Variants in CFDP1 observed in about 807,000 individuals in gnomAD.
The protein encoded by CFDP1 is heterochromatin-stabilizing protein CFDP1.
A neutral mutation model predicts 40.1 loss-of-function variants in CFDP1; 31 were observed. The observed-to-expected ratio is 0.77, with a 90% CI of 0.58 to 1.04. The LOEUF (loss-of-function observed/expected upper bound fraction) is 1.04, where lower values mean the gene tolerates loss of function less well. Ranked by LOEUF, CFDP1 falls within the 50% of genes least tolerant of loss-of-function variation. CFDP1 has a pLI of 0.00. For missense variants in CFDP1, 423 were observed against 343.4 expected, an observed-to-expected ratio of 1.23 and a Z score of -1.83; for synonymous variants, 167 against 120.0, an observed-to-expected ratio of 1.39 and a Z score of -2.56.
At chr16:75,354,903 G>A (rs1004953269) in intron 5 of CFDP1, among the ~76,000 whole-genome samples, 25 of 152,170 alleles carry the variant, frequency 1.6e-4, no homozygotes, top group African/African-American at 5.5e-4. Context: ...AGAAAGCTGG[G>A]TGACACATGC....
At chr16:75,387,931 G>A (rs1219628789) in intron 5 of CFDP1, among the ~76,000 whole-genome samples, 2 of 152,182 alleles carry the variant, frequency 1.3e-5, no homozygotes, top group Non-Finnish European at 2.9e-5. Context: ...TGGGGAAACA[G>A]CCCTCTCACT....
In CFDP1 at chr16:75,396,412, G is replaced by A. The variant is rs867227974; in HGVS notation, c.531-1203C>T. On this transcript the variant is annotated intron_variant, in intron 4 of 6. Transcript: ENST00000283882. ...AAATTAGCCAGGCATAGTGGCAGGC[G>A]CCTGTAATCACAGCTACTAGGGAGG... Among the ~76,000 whole-genome samples, 9 of 102,818 alleles carry A rather than the reference G, an allele frequency of 8.8e-5. 3 individuals carry two copies. Among genetic ancestry groups the A allele is most frequent in the African/African-American group, 2.0e-4 (7 of 34,586 alleles). 67.5% of individuals were successfully genotyped at this position (102,818 alleles called of 152,430 possible). A position where few individuals can be genotyped will look rare whatever the true frequency, so the allele number is the denominator to read the frequency against.
intron 2 of CFDP1, among the ~76,000 whole-genome samples, chr16:75,413,732 C>G (rs1030763501): frequency 3.3e-5 from 5 of 152,060 alleles, no homozygotes; most frequent in Non-Finnish European, 2.9e-5. Flanking sequence ...GACAGAAACA[C>G]CCAAGTGAGG....
chr16:75,327,928 C>G (rs1288311025), intron 5 of CFDP1, among the ~76,000 whole-genome samples: 1 of 152,072 alleles, frequency 6.6e-6, no homozygotes, highest in Non-Finnish European at 1.5e-5. Flanking sequence ...TGGGGCGTCA[C>G]CATGTTGGCC....
At chr16:75,309,112 A>G (rs1262296880) in intron 5 of CFDP1, among the ~76,000 whole-genome samples, 1 of 152,222 alleles carries the variant, frequency 6.6e-6, no homozygotes, top group African/African-American at 2.4e-5. Flanking sequence ...GGGGCTCATG[A>G]TAACCAGGAG....
rs1343055946 is a variant in CFDP1, at chr16:75,433,394, C to G, written c.-42G>C. ...GCTGGTCAAACTCACAAGACCGCAG[C>G]AGCCGCCTCCAACGGCAAAGCTCTA... is the stretch of plus-strand genomic sequence containing the variant. On this transcript the variant is annotated 5_prime_UTR_variant, in exon 1 of 7. Coordinates refer to ENST00000283882, the MANE Select transcript of CFDP1 (RefSeq NM_006324.3). The G allele has an allele frequency of 2.6e-6, 4 of 1,552,354 alleles. No homozygotes were observed. The highest frequency in any genetic ancestry group is 1.2e-5 in the South Asian group (1 of 85,780).
intron 5 of CFDP1, among the ~76,000 whole-genome samples, chr16:75,366,405 C>A (rs1276368067): frequency 6.6e-6 from 1 of 152,118 alleles, no homozygotes. Context: ...CTTTGGGAGG[C>A]TGAGGCAGGC....
intron 5 of CFDP1, among the ~76,000 whole-genome samples, chr16:75,344,636 T>C (rs1183854424): frequency 6.6e-6 from 1 of 152,096 alleles, no homozygotes; most frequent in Non-Finnish European, 1.5e-5. Context: ...GTAACATCAT[T>C]TAGAAAGAAC....
chr16:75,323,135 T>G (rs1170095357), intron 5 of CFDP1, among the ~76,000 whole-genome samples: 1 of 152,134 alleles, frequency 6.6e-6, no homozygotes, highest in Admixed American at 6.5e-5. Context: ...GCTTAAAACA[T>G]AGCACAGCTG....
At chr16:75,394,482 G>A (rs1051148190) in intron 5 of CFDP1, among the ~76,000 whole-genome samples, 55 of 152,228 alleles carry the variant, frequency 3.6e-4, no homozygotes, top group African/African-American at 1.1e-3. Flanking sequence ...ACAGAGGATG[G>A]GAGTGAGTGT....
intron 5 of CFDP1, among the ~76,000 whole-genome samples, chr16:75,378,704 G>C (rs1446737341): frequency 1.3e-5 from 2 of 152,134 alleles, no homozygotes; most frequent in African/African-American, 2.4e-5. Context: ...CAGTTGCAAA[G>C]GGGTAGTAGT....
intron 6 of CFDP1, among the ~76,000 whole-genome samples, chr16:75,299,911 C>G (rs2078210540): frequency 6.6e-6 from 1 of 152,068 alleles, no homozygotes; most frequent in Non-Finnish European, 1.5e-5. Context: ...GATGACAAAT[C>G]AGAGCCTCCT....
At chr16:75,297,170 G>C (rs1361147900) in intron 6 of CFDP1, among the ~76,000 whole-genome samples, 9 of 144,096 alleles carry the variant, frequency 6.2e-5, no homozygotes, top group African/African-American at 2.2e-4. Context: ...GTGTGTCTGT[G>C]TGTGTGTGTG....
chr16:75,343,102 T>C (rs2078537897), intron 5 of CFDP1, among the ~76,000 whole-genome samples: 1 of 152,102 alleles, frequency 6.6e-6, no homozygotes, highest in Non-Finnish European at 1.5e-5. Context: ...ACAAACCCCA[T>C]AGGTACCAAC....
At chr16:75,431,024 G>A (rs1359683709) in intron 1 of CFDP1, among the ~76,000 whole-genome samples, 1 of 152,076 alleles carries the variant, frequency 6.6e-6, no homozygotes, top group Non-Finnish European at 1.5e-5. Context: ...CAGCAGTTAA[G>A]TACATAGACA....
At chr16:75,399,056 C>CAAAAA (rs58692180) in intron 4 of CFDP1, among the ~76,000 whole-genome samples, 4 of 98,060 alleles carry the variant, frequency 4.1e-5, no homozygotes, top group African/African-American at 3.7e-5. Flanking sequence ...GACTCCGTCT[C>CAAAAA]AAAAAAAAAA....
Position 75,412,650 on chromosome 16 carries a change from T to C in CFDP1, c.287A>G (p.Gln96Arg). 6.2e-7 allele frequency: 1 copy of C among 1,614,204 alleles called. No individual in the cohort carries two copies. ...SSEEEDDAAE[Q>R]EKGIGSEDAR... ...ATCCTCTGATCCAATGCCTTTTTCC[T>C]GCTCTGCAGCGTCATCTTCCTCCTC... Residue 96 changes from glutamine (Q) to arginine (R), a missense_variant, in exon 3 of 7, where the codon CAG (glutamine) becomes CGG (arginine). Gln to Arg is a conservative substitution (Grantham distance 43). Coordinates refer to ENST00000283882, the MANE Select transcript of CFDP1 (RefSeq NM_006324.3).
At chr16:75,323,450 A>T (rs1284555477) in intron 5 of CFDP1, among the ~76,000 whole-genome samples, 1 of 148,356 alleles carries the variant, frequency 6.7e-6, no homozygotes, top group Non-Finnish European at 1.5e-5. Context: ...TTTTTTTTTA[A>T]CAAGTAGAAG....
In CFDP1 at chr16:75,395,098, G is replaced by C; in HGVS notation, c.642C>G (p.Ala214=). Residue 214 remains alanine, a synonymous_variant, in exon 5 of 7, where the codon GCC becomes GCG. Coordinates refer to ENST00000283882, the MANE Select transcript of CFDP1 (RefSeq NM_006324.3). ...NVPSALPSLP[A]GSGLKRSSGM... ...GAGACTCAAATACTCACCCTGACCC[G>C]GCAGGGAGTGATGGCAGAGCTGAAG... The C allele has an allele frequency of 2.5e-6, 4 of 1,613,648 alleles. No individual in the cohort carries two copies. The highest frequency in any genetic ancestry group is 2.5e-6 in the Non-Finnish European group (3 of 1,179,790).
Sources: allele counts gnomAD v4.1 joint callset (sites outside exome capture counted in the v4.1 genomes callset), GRCh38; gene constraint gnomAD v4.1.1; transcripts MANE v1.5; gene names NCBI Gene and HGNC (gene_info 2026-07-23, HGNC 2026-07-21).